The following CBARP variants were observed in gnomAD, a reference collection of about 807,000 sequenced individuals.
CBARP encodes the protein CACN subunit beta associated regulatory protein.
Under a neutral mutation model 36.3 loss-of-function variants are expected in CBARP, and 24 were observed. The observed-to-expected ratio is 0.66, with a 90% confidence interval of 0.48 to 0.93. The LOEUF is 0.93. CBARP is among the 40% of genes least tolerant of loss of function. CBARP has a pLI of 0.00. For missense variants in CBARP, 1,146 were observed against 980.4 expected (o/e 1.17, Z -2.26); for synonymous variants, 586 against 453.2 (o/e 1.29, Z -3.72).
At chr19:1,234,466 A>G (rs900522193) in intron 6 of CBARP, 105 bp downstream of exon 6, 2 of 1,389,800 alleles carry the variant, frequency 1.4e-6, no homozygotes, top group Non-Finnish European at 1.9e-6. Flanking sequence ...CCATCCCGAG[A>G]TGAGGGCCAC....
chr19:1,231,243 G>T lies in CBARP; in HGVS notation c.1012C>A (p.Arg338=). ...SPKRHHFQRQ[R]AASESTEQEE... is the part of the protein sequence containing the mutation. ...TGCTCCGTGCTCTCACTGGCTGCCC[G>T]CTGCCGCTGGAAGTGGTGCCGCTTG... The change falls in exon 9 of 10, where the codon CGG becomes AGG. Residue 338 remains arginine, a synonymous_variant. Coordinates refer to ENST00000650044, the MANE Select transcript of CBARP (RefSeq NM_001393918.1). 6.2e-7 allele frequency: 1 copy of T among 1,601,754 alleles called. No individual in the cohort carries two copies.
intron 1 of CBARP, 135 bp from the exon 2 acceptor site, chr19:1,236,256 G>C: frequency 3.2e-6 from 4 of 1,243,080 alleles, no homozygotes; most frequent in Non-Finnish European, 4.1e-6. Flanking sequence ...TAGCAGAGCC[G>C]GAGGCAGCCT....
chr19:1,236,709 C>A (rs76096449), intron 1 of CBARP, among the ~76,000 whole-genome samples: 25,543 of 151,770 alleles, frequency 0.17, 2,639 homozygotes, highest in East Asian at 0.32. Context: ...GTGCTGAGTG[C>A]TGGTGGGAGT....
Position 1,229,691 on chromosome 19 carries a change from G to A in CBARP, c.1606C>T (p.Pro536Ser), listed in dbSNP as rs2080864037. 9.5e-7 allele frequency: 1 copy of A among 1,053,366 alleles called. No homozygotes were observed. Among genetic ancestry groups the A allele is most frequent in the Non-Finnish European group, 1.2e-6 (1 of 864,556 alleles). The allele number at this position is 1,053,366 out of a possible 1,614,324, so 65.3% of individuals were successfully genotyped here. A position where few individuals can be genotyped will look rare whatever the true frequency, so the allele number is the denominator to read the frequency against. ...PRSPRAWPRR[P>S]RRDYSIDEKT... is the part of the protein sequence containing the mutation. ...TCGTCGATGCTGTAGTCGCGGCGCGGGCGGCGGGGCCAGGCGCGCGGGCTG... is the reference window on the plus strand; with the variant it reads ...TCGTCGATGCTGTAGTCGCGGCGCGAGCGGCGGGGCCAGGCGCGCGGGCTG... Residue 536 changes from proline (P) to serine (S), a missense_variant, in exon 10 of 10, where the codon CCG (proline) becomes TCG (serine). Coordinates refer to ENST00000650044, the MANE Select transcript of CBARP (RefSeq NM_001393918.1). This position sits in a 1 kb window ranked among gnomAD's most constrained non-coding sequence, Gnocchi z 5.1.
Position 1,235,085 on chromosome 19 carries a change from G to A in CBARP, c.371C>T (p.Ser124Phe), listed in dbSNP as rs772357398. 3.6e-5 allele frequency: 58 copies of A among 1,609,234 alleles called. No homozygotes were observed. Among genetic ancestry groups the A allele is most frequent in the Non-Finnish European group, 4.8e-5 (56 of 1,178,424 alleles). The change falls in exon 5 of 10, where the codon TCC becomes TTC. Residue 124 changes from serine to phenylalanine, a missense_variant. By Grantham distance (155) the Ser-to-Phe change is radical (BLOSUM62 -2). Transcript: ENST00000650044. Reference protein sequence around the residue: ...CQDAETERFLSTSSTGRRVSF... With the variant: ...CQDAETERFLFTSSTGRRVSF... The stretch of plus-strand genomic sequence containing the variant: ...GACCCGGCGGCCCGTGGAGCTGGTG[G>A]ACAGGAAGCGTTCGGTCTCCGCATC...
At chr19:1,232,432 C>T (rs1396088661) in intron 8 of CBARP, among the ~76,000 whole-genome samples, 4 of 152,192 alleles carry the variant, frequency 2.6e-5, no homozygotes, top group Non-Finnish European at 5.9e-5. Flanking sequence ...GTCCCCTATC[C>T]TGGCCTCACC....
At chr19:1,236,156 C>T in intron 1 of CBARP, 35 bp from the exon 2 acceptor site, 5 of 1,379,936 alleles carry the variant, frequency 3.6e-6, no homozygotes, top group South Asian at 1.7e-5. Context: ...TCCAGCTAGA[C>T]CTACTTCTCC....
Position 1,233,497 on chromosome 19 carries a change from G to A in CBARP, c.908C>T (p.Ala303Val). The change falls in exon 8 of 10, where the codon GCC becomes GTC. Residue 303 changes from alanine to valine, a missense_variant. Coordinates refer to ENST00000650044, the MANE Select transcript of CBARP (RefSeq NM_001393918.1). ...CTTCTTGACCTTGAAATAGGGGCTG[G>A]CCCCATCCAGGCTGGCATGGCGGCG... is the stretch of plus-strand genomic sequence containing the variant. ...RLRRHASLDGASPYFKVKKWK... is the reference protein window; with the variant it reads ...RLRRHASLDGVSPYFKVKKWK... 3 of 1,607,078 alleles carry A rather than the reference G, an allele frequency of 1.9e-6. No homozygotes were observed. The highest frequency in any genetic ancestry group is 2.2e-5 in the East Asian group (1 of 44,704).
At position 1,229,605 on chromosome 19, in the gene CBARP, C is replaced by A; in HGVS notation, c.1692G>T (p.Pro564=). 1 of 1,198,340 alleles carries A rather than the reference C, an allele frequency of 8.3e-7. No homozygotes were observed. The allele number at this position is 1,198,340 out of a possible 1,614,324, so 74.2% of individuals were successfully genotyped here. A position where few individuals can be genotyped will look rare whatever the true frequency, so the allele number is the denominator to read the frequency against. Residue 564 remains proline, a synonymous_variant, in exon 10 of 10, where the codon CCG becomes CCT. Transcript: ENST00000650044. This position sits in a 1 kb window ranked among gnomAD's most constrained non-coding sequence, Gnocchi z 5.1. ...LRHDPHFDDT[P]AAARHRARAH... ...CGCGGGCGCGGTGTCGCGCGGCAGC[C>A]GGCGTGTCGTCGAAGTGCGGGTCGT...
Position 1,236,029 on chromosome 19 carries a change from C to T in CBARP, c.72G>A (p.Thr24=), listed in dbSNP as rs762528599. Residue 24 remains threonine, a synonymous_variant, in exon 2 of 10, where the codon ACG becomes ACA. Coordinates refer to ENST00000650044, the MANE Select transcript of CBARP (RefSeq NM_001393918.1). Reference sequence around the variant, plus strand: ...GTCCAGTGGCATTGTCCCACGACGTCGTCAGGGCTACTGTGGCAGTGGTGG... The same window carrying T: ...GTCCAGTGGCATTGTCCCACGACGTTGTCAGGGCTACTGTGGCAGTGGTGG... The part of the protein sequence containing the change: ...TTTTTATVAL[T]TSWDNATGRP... The T allele has an allele frequency of 4.5e-6, 7 of 1,540,352 alleles. No homozygotes were observed. The highest frequency in any genetic ancestry group is 4.6e-5 in the East Asian group (2 of 43,328).
At chr19:1,235,721 C>T (rs962781887) in intron 3 of CBARP, 58 bp downstream of exon 3, 2 of 1,604,092 alleles carry the variant, frequency 1.2e-6, no homozygotes, top group Non-Finnish European at 8.5e-7. Flanking sequence ...GACCCCCCAC[C>T]ACCCGATGGC....
chr19:1,230,291 G>C, intron 9 of CBARP, 149 bp from the exon 10 acceptor site: 2 of 991,214 alleles, frequency 2.0e-6, no homozygotes, highest in Non-Finnish European at 2.4e-6. Flanking sequence ...AAATGAGCCA[G>C]TGTGTTTTGC....
chr19:1,233,418 C>G lies in CBARP; in HGVS notation c.979+8G>C. 1 of 1,578,606 alleles carries G rather than the reference C, an allele frequency of 6.3e-7. No individual in the cohort carries two copies. The highest frequency in any genetic ancestry group is 8.6e-7 in the Non-Finnish European group (1 of 1,161,730). ...GGGGCCCACTCTCCACCAGGTGCTA[C>G]AGCTCACCTCTCGTGTCCAGACTGG... On this transcript the variant is annotated splice_region_variant and intron_variant, in intron 8 of 9. Coordinates refer to ENST00000650044, the MANE Select transcript of CBARP (RefSeq NM_001393918.1).
intron 8 of CBARP, among the ~76,000 whole-genome samples, chr19:1,232,343 G>A (rs2080905280): frequency 6.6e-6 from 1 of 152,120 alleles, no homozygotes; most frequent in African/African-American, 2.4e-5. Flanking sequence ...ACCCCCGCTG[G>A]CTGGAGCCAC....
In CBARP at chr19:1,234,988, C is replaced by A; in HGVS notation, c.455+13G>T. Reference sequence around the variant, plus strand: ...ACAGGCCCTGGGGTGCCTCCCAACGCCGCCCCGCTTACCGGCGACCCTTGT... The same window carrying A: ...ACAGGCCCTGGGGTGCCTCCCAACGACGCCCCGCTTACCGGCGACCCTTGT... On this transcript the variant is annotated intron_variant, in intron 5 of 9. Transcript: ENST00000650044. The A allele has an allele frequency of 6.3e-7, 1 of 1,595,048 alleles. No individual in the cohort carries two copies. The highest frequency in any genetic ancestry group is 8.6e-7 in the Non-Finnish European group (1 of 1,168,630).
At chr19:1,236,325 C>T (rs2080972854) in intron 1 of CBARP, among the ~76,000 whole-genome samples, 1 of 152,216 alleles carries the variant, frequency 6.6e-6, no homozygotes, top group Non-Finnish European at 1.5e-5. Context: ...CTCCATCTCC[C>T]ATCCCCATGG....
rs1373499217 is a variant in CBARP at position 1,229,269 on chromosome 19, T to C, written c.2028A>G (p.Arg676=). 8.0e-6 allele frequency: 10 copies of C among 1,249,226 alleles called. No individual in the cohort carries two copies. The highest frequency in any genetic ancestry group is 2.3e-4 in the Middle Eastern group (1 of 4,424). 77.4% of individuals were successfully genotyped at this position (1,249,226 alleles called of 1,614,324 possible). A position where few individuals can be genotyped will look rare whatever the true frequency, so the allele number is the denominator to read the frequency against. Reference sequence around the variant, plus strand: ...GCTCGGCGAGGCGCGGCGGAAAGAGTCTCTCGTCGAGGCCAGCCGCCAGCT... The same window carrying C: ...GCTCGGCGAGGCGCGGCGGAAAGAGCCTCTCGTCGAGGCCAGCCGCCAGCT... The part of the protein sequence containing the change: ...LDKLAAGLDE[R]LFPPRLAEPV... The change falls in exon 10 of 10, where the codon AGA becomes AGG. Residue 676 remains arginine (R), a synonymous_variant. Coordinates refer to ENST00000650044, the MANE Select transcript of CBARP (RefSeq NM_001393918.1). This position sits in a 1 kb window ranked among gnomAD's most constrained non-coding sequence, Gnocchi z 5.1.
chr19:1,233,657 C>T lies in CBARP; in HGVS notation c.769-21G>A, dbSNP rs141669289. ...TCCAACTGGCAGGGAACAGAGATGG[C>T]GCTCAGGCTAAGACTTCTTCCTGGG... On this transcript the variant is annotated intron_variant, in intron 7 of 9. Transcript: ENST00000650044. 2.7e-3 allele frequency: 4,277 copies of T among 1,595,616 alleles called. 91 individuals carry two copies. In the African/African-American group the frequency reaches 0.051, roughly 19 times the overall value.
At chr19:1,231,018 G>A (rs753633360) in intron 9 of CBARP, 83 bp downstream of exon 9, 18 of 1,546,512 alleles carry the variant, frequency 1.2e-5, no homozygotes, top group African/African-American at 5.5e-5. Flanking sequence ...CCTGGAGAGC[G>A]CTCCCTGGGC....
Sources: gnomAD v4.1 joint callset for allele counts (sites outside exome capture counted in the v4.1 genomes callset) on GRCh38, gnomAD v4.1.1 for gene constraint, Gnocchi (gnomAD v3.1) non-coding constraint, MANE v1.5 for transcripts, NCBI Gene and HGNC (gene_info 2026-07-23, HGNC 2026-07-21) for gene names.